ZFP82: variants seen among roughly 807,000 people sequenced by gnomAD.
ZFP82 encodes the protein ZFP82 zinc finger protein, also known as zinc finger protein 82 homolog.
Under a neutral mutation model 54.0 loss-of-function variants are expected in ZFP82, and 30 were observed. The observed-to-expected ratio is 0.56, with a 90% CI of 0.42 to 0.75. ZFP82 has a LOEUF of 0.75. Among genes scored for constraint, ZFP82 ranks in the 30% least tolerant of loss-of-function variants. ZFP82 has a pLI of 0.00. For synonymous variants in ZFP82, 194 were observed against 209.5 expected (o/e 0.93, Z 0.64); for missense variants, 500 against 636.8 (o/e 0.79, Z 2.31).
At chr19:36,404,746 C>T (rs1035195500) in intron 4 of ZFP82, among the ~76,000 whole-genome samples, 4 of 152,210 alleles carry the variant, frequency 2.6e-5, no homozygotes, top group South Asian at 2.1e-4. Context: ...CTCCCTCCCT[C>T]GAAATGCCCG....
downstream of ZFP82, among the ~76,000 whole-genome samples, chr19:36,387,829 G>A (rs1024789173): frequency 9.2e-5 from 14 of 152,306 alleles, no homozygotes; most frequent in African/African-American, 3.4e-4. Flanking sequence ...GGCCAGGCTG[G>A]TCTCAAACTC....
intron 1 of ZFP82, among the ~76,000 whole-genome samples, chr19:36,410,528 G>A (rs2032561249): frequency 6.6e-6 from 1 of 151,796 alleles, no homozygotes; most frequent in Non-Finnish European, 1.5e-5. Context: ...TTGAGATGGA[G>A]TCTTGCTCTT....
intron 4 of ZFP82, among the ~76,000 whole-genome samples, chr19:36,404,446 T>C (rs1357799854): frequency 6.6e-6 from 1 of 152,204 alleles, no homozygotes; most frequent in Admixed American, 6.5e-5. Context: ...TGACAGCTAT[T>C]CCAGTCCACA....
At chr19:36,410,475 TTTG>T (rs1018489672) in intron 1 of ZFP82, among the ~76,000 whole-genome samples, 12 of 149,558 alleles carry the variant, frequency 8.0e-5, no homozygotes, top group South Asian at 2.1e-4. Context: ...ATATATATAT[TTTG>T]TTGTTGTTGT....
chr19:36,396,516 C>T (rs371659837), intron 4 of ZFP82, among the ~76,000 whole-genome samples: 3 of 151,924 alleles, frequency 2.0e-5, no homozygotes, highest in East Asian at 3.9e-4. Context: ...ATGAGCTGGG[C>T]GGGGTGTCAG....
intron 3 of ZFP82, among the ~76,000 whole-genome samples, chr19:36,406,434 ATCT>A (rs1029290157): frequency 3.9e-5 from 6 of 152,126 alleles, no homozygotes; most frequent in African/African-American, 1.2e-4. Flanking sequence ...ACAACCATTG[ATCT>A]TCTTTTTGTC....
At chr19:36,387,272 C>G (rs190355689), downstream of ZFP82, among the ~76,000 whole-genome samples, 158 of 152,212 alleles carry the variant, frequency 1.0e-3, no homozygotes, top group African/African-American at 3.7e-3. Context: ...CCAGAGAAGC[C>G]ACGCTATAGT....
In ZFP82 at chr19:36,407,896, C is replaced by A. The variant is rs1448276101; in HGVS notation, c.127G>T (p.Val43Phe). 1.2e-6 allele frequency: 2 copies of A among 1,614,036 alleles called. No homozygotes were observed. Among genetic ancestry groups the A allele is most frequent in the Non-Finnish European group, 1.7e-6 (2 of 1,179,936 alleles). ...DVMLENYSNL[V>F]SLGCFISKPD... ...AAGCAGATAACCTTACCCAGTGAGA[C>A]CAAGTTGCTGTAGTTCTCCAACATG... is the stretch of plus-strand genomic sequence containing the variant. Residue 43 changes from valine (V) to phenylalanine (F), a missense_variant, in exon 3 of 5, where the codon GTC becomes TTC. Physicochemically the swap from Val to Phe is conservative, Grantham distance 50 (BLOSUM62 -1). Transcript: ENST00000392161.
intron 4 of ZFP82, among the ~76,000 whole-genome samples, chr19:36,401,710 G>C (rs952161076): frequency 2.0e-5 from 3 of 152,188 alleles, no homozygotes; most frequent in Admixed American, 6.5e-5. Context: ...ATTTCTCTTA[G>C]TGGTTACATT....
rs34096901 is a variant in ZFP82, at chr19:36,412,284, C to T, written c.-78-2417G>A. Among the ~76,000 whole-genome samples, 1,518 of 152,240 alleles carry T rather than the reference C, an allele frequency of 1.0e-2. 22 individuals carry two copies. Among genetic ancestry groups the T allele is most frequent in the South Asian group, 0.033 (159 of 4,824 alleles). On this transcript the variant is annotated intron_variant, in intron 1 of 4. Coordinates refer to ENST00000392161, the MANE Select transcript of ZFP82 (RefSeq NM_133466.4). ...TAGATATTGATCTTGATTTCCTTTT[C>T]GCTTACATTTATTTCATAATTCTAC...
In ZFP82 at chr19:36,393,201, T is replaced by C. The variant is rs751368151; in HGVS notation, c.1139A>G (p.His380Arg). 11 of 1,614,136 alleles carry C rather than the reference T, an allele frequency of 6.8e-6. No individual in the cohort carries two copies. The highest frequency in any genetic ancestry group is 8.5e-6 in the Non-Finnish European group (10 of 1,180,020). Residue 380 changes from histidine to arginine, a missense_variant, in exon 5 of 5, where the codon CAT (histidine) becomes CGT (arginine). Transcript: ENST00000392161. ...ECGKTFSRGY[H>R]LILHHRIHTG... Reference sequence around the variant, plus strand: ...ATGAATTCTGTGATGGAGAATAAGATGATAACCACGGCTAAAGGTCTTTCC... The same window carrying C: ...ATGAATTCTGTGATGGAGAATAAGACGATAACCACGGCTAAAGGTCTTTCC...
rs548901228 is a variant in ZFP82, at chr19:36,417,519, G to A, written c.-79+973C>T. Among the ~76,000 whole-genome samples, 23 of 152,260 alleles carry A rather than the reference G, an allele frequency of 1.5e-4. 1 individual carries two copies. The South Asian group carries it at 4.6e-3, about 30-fold the overall frequency. Reference sequence around the variant, plus strand: ...CTCGCCTCGACCTTGACTTAAACAGGCAACAGCAATTCATTCCTCCTCCCG... The same window carrying A: ...CTCGCCTCGACCTTGACTTAAACAGACAACAGCAATTCATTCCTCCTCCCG... On this transcript the variant is annotated intron_variant, in intron 1 of 4. Transcript: ENST00000392161.
intron 1 of ZFP82, among the ~76,000 whole-genome samples, chr19:36,417,831 T>A (rs2032698947): frequency 6.6e-6 from 1 of 152,102 alleles, no homozygotes; most frequent in South Asian, 2.1e-4. Flanking sequence ...CGTGCGTGGG[T>A]CCGGGTCCGC....
At chr19:36,409,688 G>T in intron 2 of ZFP82, 93 bp downstream of exon 2, 3 of 1,377,472 alleles carry the variant, frequency 2.2e-6, no homozygotes, top group Non-Finnish European at 3.1e-6. Context: ...GAAGGTTCTT[G>T]GATGGAGCTC....
chr19:36,401,594 C>T (rs114680313), intron 4 of ZFP82, among the ~76,000 whole-genome samples: 2,574 of 152,342 alleles, frequency 0.017, 41 homozygotes, highest in African/African-American at 0.057. Context: ...ATCCAAACCA[C>T]CACCCTGTCT....
At position 36,392,412 on chromosome 19, in the gene ZFP82, T is replaced by G; in HGVS notation, c.*329A>C. ...AGGGATGTAGATTCCACCTCTTGATTGAAAGTGTGTCAAACTGCTGCACTC... is the reference window on the plus strand; with the variant it reads ...AGGGATGTAGATTCCACCTCTTGATGGAAAGTGTGTCAAACTGCTGCACTC... On this transcript the variant is annotated 3_prime_UTR_variant, in exon 5 of 5. Transcript: ENST00000392161. 9.7e-6 allele frequency: 2 copies of G among 205,966 alleles called. No homozygotes were observed. Among genetic ancestry groups the G allele is most frequent in the Non-Finnish European group, 2.0e-5 (2 of 102,378 alleles). The allele number at this position is 205,966 out of a possible 1,614,324, so 12.8% of individuals were successfully genotyped here.
intron 1 of ZFP82, among the ~76,000 whole-genome samples, chr19:36,413,874 C>A: frequency 6.6e-6 from 1 of 151,430 alleles, no homozygotes; most frequent in South Asian, 2.1e-4. Flanking sequence ...CCCCTCATTC[C>A]ACTATTTTAA....
At position 36,398,431 on chromosome 19, in the gene ZFP82, G is replaced by A. The variant is rs368099063; in HGVS notation, c.230-4321C>T. 1.1e-4 allele frequency among the ~76,000 whole-genome samples: 16 copies of A among 152,112 alleles called. No individual in the cohort carries two copies. The South Asian group carries it at 3.1e-3, about 30-fold the overall frequency. ...ACATGCTTGTAGTCCCAGCTACTTG[G>A]GAGGCTGAGGTAGAAGAATCGCTTG... On this transcript the variant is annotated intron_variant, in intron 4 of 4. Transcript: ENST00000392161.
At chr19:36,385,067 G>T (rs1031156993), downstream of ZFP82, among the ~76,000 whole-genome samples, 1 of 151,472 alleles carries the variant, frequency 6.6e-6, no homozygotes, top group Non-Finnish European at 1.5e-5. Context: ...GGAGAAACTT[G>T]ATCCCCAATG....
Sources: gnomAD v4.1 joint callset for allele counts (sites outside exome capture counted in the v4.1 genomes callset) on GRCh38, gnomAD v4.1.1 for gene constraint, MANE v1.5 for transcripts, NCBI Gene and HGNC (gene_info 2026-07-23, HGNC 2026-07-21) for gene names.